The following ZSWIM5 variants were observed in gnomAD, a reference collection of about 807,000 sequenced individuals.
ZSWIM5 encodes the protein zinc finger SWIM-type containing 5.
Under a neutral mutation model 119.6 loss-of-function variants are expected in ZSWIM5, and 55 were observed. The observed-to-expected ratio is 0.46, with a 90% confidence interval of 0.37 to 0.58. The LOEUF (loss-of-function observed/expected upper bound fraction) is 0.58, where lower values mean the gene tolerates loss of function less well. Ranked by LOEUF, ZSWIM5 falls within the 20% of genes least tolerant of loss-of-function variation. The probability of loss-of-function intolerance (pLI) is 0.00; values close to 1 mark genes in which losing one functional copy is unlikely to be tolerated. For synonymous variants in ZSWIM5, 537 were observed against 606.9 expected, an observed-to-expected ratio of 0.88 and a Z score of 1.69; for missense variants, 1,193 against 1,512.8, an observed-to-expected ratio of 0.79 and a Z score of 3.51.
At chr1:45,023,762 T>C (rs1644903009) in intron 11 of ZSWIM5, among the ~76,000 whole-genome samples, 1 of 152,196 alleles carries the variant, frequency 6.6e-6, no homozygotes, top group African/African-American at 2.4e-5. Flanking sequence ...AGTAATACTA[T>C]GTTGATCTTT....
At position 45,185,895 on chromosome 1, in the gene ZSWIM5, T is replaced by C. The variant is rs567028058; in HGVS notation, c.595+19861A>G. On this transcript the variant is annotated intron_variant, in intron 1 of 13. Transcript: ENST00000359600. ...ATACCATTTGACCCAGCCATCCCAT[T>C]ACTGGGTATATACCCAAAGGATTGT... Among the ~76,000 whole-genome samples the C allele has an allele frequency of 1.8e-4, 28 of 152,324 alleles. No individual in the cohort carries two copies. The South Asian group carries it at 5.2e-3, about 28-fold the overall frequency.
chr1:45,179,127 CA>C (rs1257328125), intron 1 of ZSWIM5, among the ~76,000 whole-genome samples: 5 of 151,684 alleles, frequency 3.3e-5, no homozygotes, highest in Non-Finnish European at 7.4e-5. Context: ...GTCATTCTAC[CA>C]AAAAGACACA....
At chr1:45,055,210 T>A (rs1645114924) in intron 4 of ZSWIM5, among the ~76,000 whole-genome samples, 1 of 152,176 alleles carries the variant, frequency 6.6e-6, no homozygotes, top group Non-Finnish European at 1.5e-5. Flanking sequence ...CAGGATGGTC[T>A]CAATCTCCTG....
intron 1 of ZSWIM5, among the ~76,000 whole-genome samples, chr1:45,145,422 T>C (rs1335830550): frequency 6.6e-6 from 1 of 150,428 alleles, no homozygotes; most frequent in East Asian, 1.9e-4. Context: ...ACAACCCAAA[T>C]ATCCTTTAAC....
intron 1 of ZSWIM5, among the ~76,000 whole-genome samples, chr1:45,182,893 C>T (rs1256725050): frequency 6.6e-6 from 1 of 151,794 alleles, no homozygotes; most frequent in African/African-American, 2.4e-5. Flanking sequence ...CTGCACCAAG[C>T]AGACCTAATA....
At chr1:45,079,323 T>C (rs1645274890) in intron 2 of ZSWIM5, among the ~76,000 whole-genome samples, 1 of 152,208 alleles carries the variant, frequency 6.6e-6, no homozygotes, top group African/African-American at 2.4e-5. Flanking sequence ...CAAAGCCTGT[T>C]TGGTGGTCTC....
At chr1:45,193,379 T>C (rs1375415255) in intron 1 of ZSWIM5, among the ~76,000 whole-genome samples, 3 of 152,156 alleles carry the variant, frequency 2.0e-5, no homozygotes, top group Admixed American at 6.5e-5. Flanking sequence ...TAAATTAGAT[T>C]GTAAATTAGA....
chr1:45,196,555 T>A (rs891445816), intron 1 of ZSWIM5, among the ~76,000 whole-genome samples: 3 of 151,846 alleles, frequency 2.0e-5, no homozygotes. Flanking sequence ...CACGCCCGGC[T>A]AATTTTTTGT....
At chr1:45,059,025 T>C (rs1382772915) in intron 3 of ZSWIM5, among the ~76,000 whole-genome samples, 3 of 152,142 alleles carry the variant, frequency 2.0e-5, no homozygotes, top group Admixed American at 6.5e-5. Context: ...TGTAAAGAAA[T>C]TGACACATCA....
At chr1:45,200,501 AG>A (rs1440528072) in intron 1 of ZSWIM5, among the ~76,000 whole-genome samples, 1 of 152,188 alleles carries the variant, frequency 6.6e-6, no homozygotes, top group East Asian at 1.9e-4. Context: ...GTTTGGAAAC[AG>A]ACATTAAAAC....
intron 1 of ZSWIM5, among the ~76,000 whole-genome samples, chr1:45,178,760 A>G (rs891758423): frequency 3.3e-5 from 5 of 152,040 alleles, no homozygotes; most frequent in Non-Finnish European, 7.4e-5. Flanking sequence ...GAGACAGAGT[A>G]CTCTATTGGT....
chr1:45,206,546 G>A lies in ZSWIM5; in HGVS notation c.-196C>T. 9.9e-7 allele frequency: 1 copy of A among 1,012,214 alleles called. No individual in the cohort carries two copies. The highest frequency in any genetic ancestry group is 4.6e-5 in the South Asian group (1 of 21,548). 62.7% of individuals were successfully genotyped at this position (1,012,214 alleles called of 1,614,324 possible). ...GAGCGCGCCGCGAGGGCAGACGCGG[G>A]CGGCCTGCAGGGTAGCGTGAGGCGG... On this transcript the variant is annotated 5_prime_UTR_variant, in exon 1 of 14. Transcript: ENST00000359600.
intron 1 of ZSWIM5, among the ~76,000 whole-genome samples, chr1:45,193,500 A>T (rs1321259574): frequency 1.3e-5 from 2 of 152,244 alleles, no homozygotes; most frequent in African/African-American, 4.8e-5. Flanking sequence ...GAAGCATTTC[A>T]AGAGAAATGT....
intron 2 of ZSWIM5, among the ~76,000 whole-genome samples, chr1:45,064,835 T>C (rs1645174061): frequency 6.6e-6 from 1 of 152,222 alleles, no homozygotes; most frequent in South Asian, 2.1e-4. Flanking sequence ...AGGATATATA[T>C]ATTGGTCTCT....
At chr1:45,067,932 T>C (rs1311276317) in intron 2 of ZSWIM5, among the ~76,000 whole-genome samples, 2 of 152,070 alleles carry the variant, frequency 1.3e-5, no homozygotes, top group Non-Finnish European at 2.9e-5. Flanking sequence ...CTAAAACTAA[T>C]AAGAGAAATG....
In ZSWIM5 at chr1:45,031,965, C is replaced by T. The variant is rs575716501; in HGVS notation, c.2449+2347G>A. Among the ~76,000 whole-genome samples the T allele has an allele frequency of 3.3e-5, 5 of 151,652 alleles. No homozygotes were observed. The South Asian group carries it at 6.3e-4, about 19-fold the overall frequency. ...AAATTTTGACTTGTGCTTTCATTTT[C>T]ATATAGTCAAAAGATTTTCTAATTT... On this transcript the variant is annotated intron_variant, in intron 11 of 13. Coordinates refer to ENST00000359600, the MANE Select transcript of ZSWIM5 (RefSeq NM_020883.2).
intron 1 of ZSWIM5, among the ~76,000 whole-genome samples, chr1:45,174,499 G>A (rs1344708378): frequency 2.0e-5 from 3 of 150,846 alleles, no homozygotes; most frequent in African/African-American, 4.9e-5. Context: ...TTGGGAAGCC[G>A]AGGTGGGCGG....
rs1380830644 is a variant in ZSWIM5 at position 45,044,446 on chromosome 1, G to A, written c.1433-1051C>T. ...CTACAAAAAATATAAAAATTGGGCCGGGTGCGGTGGCTCACGCCTGTAATC... is the reference window on the plus strand; with the variant it reads ...CTACAAAAAATATAAAAATTGGGCCAGGTGCGGTGGCTCACGCCTGTAATC... On this transcript the variant is annotated intron_variant, in intron 5 of 13. Coordinates refer to ENST00000359600, the MANE Select transcript of ZSWIM5 (RefSeq NM_020883.2). Among the ~76,000 whole-genome samples, 5 of 150,944 alleles carry A rather than the reference G, an allele frequency of 3.3e-5. No individual in the cohort carries two copies. The East Asian group carries it at 5.9e-4, about 18-fold the overall frequency.
intron 2 of ZSWIM5, among the ~76,000 whole-genome samples, chr1:45,074,179 T>C (rs1230103480): frequency 6.6e-6 from 1 of 152,032 alleles, no homozygotes. Flanking sequence ...ATCAGAGATA[T>C]TGGCCTGTAG....
Sources: gnomAD v4.1 joint callset for allele counts (sites outside exome capture counted in the v4.1 genomes callset) on GRCh38, gnomAD v4.1.1 for gene constraint, MANE v1.5 for transcripts, NCBI Gene and HGNC (gene_info 2026-07-23, HGNC 2026-07-21) for gene names.